The following CFTR variants were observed in gnomAD, a reference collection of about 807,000 sequenced individuals.
CFTR encodes the protein CF transmembrane conductance regulator.
A neutral mutation model predicts 171.6 loss-of-function variants in CFTR; 181 were observed. The ratio of observed to expected loss-of-function variants is 1.05; its 90% CI spans 0.93 to 1.19. The LOEUF (loss-of-function observed/expected upper bound fraction) is 1.19. Ranked by LOEUF, CFTR falls within the 50% of genes most tolerant of loss-of-function variation. The pLI is 0.00. For missense variants in CFTR, 1,968 were observed against 1,734.7 expected, an observed-to-expected ratio of 1.13 and a Z score of -2.39; for synonymous variants, 583 against 608.0, an observed-to-expected ratio of 0.96 and a Z score of 0.60.
chr7:117,621,585 T>G (rs764096280), intron 21 of CFTR, among the ~76,000 whole-genome samples: 3 of 152,218 alleles, frequency 2.0e-5, no homozygotes, highest in Admixed American at 2.0e-4. Flanking sequence ...TACATAAATC[T>G]CTACAAGACA....
intron 1 of CFTR, among the ~76,000 whole-genome samples, chr7:117,484,360 C>A (rs1403153888): frequency 2.0e-5 from 3 of 152,198 alleles, no homozygotes; most frequent in African/African-American, 2.4e-5. Flanking sequence ...TTTAGTCAGT[C>A]CATGGGCAAA....
At chr7:117,518,711 A>G (rs1798639367) in intron 3 of CFTR, among the ~76,000 whole-genome samples, 1 of 151,640 alleles carries the variant, frequency 6.6e-6, no homozygotes, top group African/African-American at 2.4e-5. Flanking sequence ...GATTTCAGAC[A>G]TGAGACACTG....
Position 117,665,502 on chromosome 7 carries a change from G to C in CFTR, c.4180G>C (p.Asp1394His), listed in dbSNP as rs1403351382. Residue 1394 changes from aspartate to histidine, a missense_variant, in exon 26 of 27, where the codon GAT becomes CAT. Transcript: ENST00000003084. The stretch of plus-strand genomic sequence containing the variant: ...AAGAACTCTAAAACAAGCATTTGCT[G>C]ATTGCACAGTAATTCTCTGTGAACA... Reference protein sequence around the residue: ...IRRTLKQAFADCTVILCEHRI... With the variant: ...IRRTLKQAFAHCTVILCEHRI... The C allele has an allele frequency of 6.2e-7, 1 of 1,613,274 alleles. No individual in the cohort carries two copies. The highest frequency in any genetic ancestry group is 1.1e-5 in the South Asian group (1 of 91,058).
intron 20 of CFTR, 98 bp downstream of exon 20, chr7:117,611,906 A>G (rs1450970254): frequency 3.9e-6 from 3 of 768,148 alleles, no homozygotes; most frequent in Non-Finnish European, 6.4e-6. Flanking sequence ...TGATATCTTT[A>G]GAGTTTAGTA....
At chr7:117,653,179 T>A (rs964890658) in intron 24 of CFTR, among the ~76,000 whole-genome samples, 2 of 152,300 alleles carry the variant, frequency 1.3e-5, no homozygotes, top group African/African-American at 2.4e-5. Context: ...TCTACACACT[T>A]TGTGTGCATG....
Position 117,610,696 on chromosome 7 carries a change from T to C in CFTR, c.3139+27T>C, listed in dbSNP as rs373503830. The C allele has an allele frequency of 1.1e-5, 17 of 1,612,010 alleles. 1 individual carries two copies. The highest frequency in any genetic ancestry group is 8.8e-5 in the South Asian group (8 of 90,986). On this transcript the variant is annotated intron_variant, in intron 19 of 26. Transcript: ENST00000003084. ...TATGACAGTGAATGTGCGATACTCA[T>C]CTTGTAAAAAAGCTATAAGAGCTAT...
intron 3 of CFTR, 47 bp downstream of exon 3, chr7:117,509,189 C>T (rs1295599938): frequency 1.1e-5 from 12 of 1,108,920 alleles, no homozygotes; most frequent in African/African-American, 1.5e-5. Context: ...TAACTATATT[C>T]ATTTTTGTGA....
chr7:117,618,301 C>T (rs1490275564), intron 21 of CFTR, among the ~76,000 whole-genome samples: 1 of 152,040 alleles, frequency 6.6e-6, no homozygotes, highest in Non-Finnish European at 1.5e-5. Context: ...CCAGCCTGGC[C>T]AACGTGGTGA....
At chr7:117,596,259 A>T (rs1032545974) in intron 15 of CFTR, among the ~76,000 whole-genome samples, 1 of 152,176 alleles carries the variant, frequency 6.6e-6, no homozygotes, top group African/African-American at 2.4e-5. Context: ...CGGCCCCGCG[A>T]GCCCCAGGCA....
At chr7:117,549,034 CT>C (rs1401032578) in intron 10 of CFTR, among the ~76,000 whole-genome samples, 4 of 152,186 alleles carry the variant, frequency 2.6e-5, no homozygotes, top group African/African-American at 9.7e-5. Context: ...GTGGCTTTTT[CT>C]TCCACATCTT....
chr7:117,630,610 A>G (rs947002731), intron 22 of CFTR, among the ~76,000 whole-genome samples: 20 of 152,136 alleles, frequency 1.3e-4, no homozygotes, highest in African/African-American at 4.1e-4. Context: ...GGCCACCACA[A>G]AGGAACTGAA....
At chr7:117,535,722 C>G (rs1413369297) in intron 6 of CFTR, among the ~76,000 whole-genome samples, 1 of 151,858 alleles carries the variant, frequency 6.6e-6, no homozygotes, top group Non-Finnish European at 1.5e-5. Context: ...TTAGTAGAGA[C>G]AGGGTTTCAC....
Position 117,592,427 on chromosome 7 carries a change from G to A in CFTR, c.2260G>A (p.Val754Met), listed in dbSNP as rs150157202. ...QGEAILPRIS[V>M]ISTGPTLQAR... ...AGAGGCGATACTGCCTCGCATCAGC[G>A]TGATCAGCACTGGCCCCACGCTTCA... is the stretch of plus-strand genomic sequence containing the variant. Residue 754 changes from valine (V) to methionine (M), a missense_variant, in exon 14 of 27, where the codon GTG becomes ATG. Physicochemically the swap from Val to Met is conservative, Grantham distance 21. Transcript: ENST00000003084. The A allele has an allele frequency of 1.9e-3, 3,074 of 1,612,184 alleles. 6 individuals are homozygous for A. Among genetic ancestry groups the A allele is most frequent in the Non-Finnish European group, 2.1e-3 (2,505 of 1,179,014 alleles).
At chr7:117,583,511 G>A (rs1185266934) in intron 11 of CFTR, among the ~76,000 whole-genome samples, 5 of 151,912 alleles carry the variant, frequency 3.3e-5, no homozygotes, top group African/African-American at 7.3e-5. Flanking sequence ...ATTTCATTCC[G>A]TTTTTTGGCT....
chr7:117,615,704 T>A (rs959880656), intron 21 of CFTR, among the ~76,000 whole-genome samples: 1 of 151,864 alleles, frequency 6.6e-6, no homozygotes, highest in Non-Finnish European at 1.5e-5. Context: ...GCTAATACCA[T>A]ATCAGGGGCA....
chr7:117,560,338 A>T (rs1207750965), intron 11 of CFTR, among the ~76,000 whole-genome samples: 1 of 152,148 alleles, frequency 6.6e-6, no homozygotes, highest in Non-Finnish European at 1.5e-5. Flanking sequence ...AAATTGTGTG[A>T]TGGTGGGTTC....
chr7:117,504,637 C>G (rs924246536), intron 2 of CFTR, among the ~76,000 whole-genome samples: 2 of 151,598 alleles, frequency 1.3e-5, no homozygotes. Flanking sequence ...GCTTGTATTC[C>G]CAGCTACTCA....
chr7:117,536,707 A>C (rs1420667486), intron 7 of CFTR, 34 bp downstream of exon 7: 1 of 1,567,022 alleles, frequency 6.4e-7, no homozygotes, highest in Non-Finnish European at 8.8e-7. Flanking sequence ...TATTGTTAGT[A>C]ATTCTGTCCT....
At chr7:117,590,462 TTATAATGC>T in intron 13 of CFTR, 23 bp downstream of exon 13, 1 of 1,592,112 alleles carries the variant, frequency 6.3e-7, no homozygotes, top group Non-Finnish European at 8.6e-7. Flanking sequence ...AATACCTTAC[TTATAATGC>T]TCATGCTAAA....
Sources: gnomAD v4.1 joint callset for allele counts (sites outside exome capture counted in the v4.1 genomes callset) on GRCh38, gnomAD v4.1.1 for gene constraint, MANE v1.5 for transcripts, NCBI Gene and HGNC (gene_info 2026-07-23, HGNC 2026-07-21) for gene names.